UMAD1: variants seen among roughly 807,000 people sequenced by gnomAD.
UMAD1 encodes UBAP1-MVB12-associated (UMA)-domain containing protein 1.
Under a neutral mutation model 6.1 loss-of-function variants are expected in UMAD1, and 8 were observed. The ratio of observed to expected loss-of-function variants is 1.30; its 90% CI spans 0.76 to 2.35. The LOEUF (loss-of-function observed/expected upper bound fraction) is 2.35, where lower values mean the gene tolerates loss of function less well. Ranked by LOEUF, UMAD1 falls within the 30% of genes most tolerant of loss-of-function variation. The pLI, the probability that UMAD1 is intolerant of heterozygous loss-of-function variation, is 0.00. For missense variants in UMAD1, 130 were observed against 78.4 expected (o/e 1.66, Z -2.49); for synonymous variants, 56 against 31.4 (o/e 1.78, Z -2.61).
At chr7:7,817,644 A>C (rs963010787) in intron 3 of UMAD1, among the ~76,000 whole-genome samples, 3 of 152,178 alleles carry the variant, frequency 2.0e-5, no homozygotes, top group African/African-American at 7.2e-5. Flanking sequence ...TCTCTTGTCC[A>C]ATTTAACCTG....
At chr7:7,818,556 T>A (rs1266936831) in intron 3 of UMAD1, among the ~76,000 whole-genome samples, 1 of 152,222 alleles carries the variant, frequency 6.6e-6, no homozygotes, top group African/African-American at 2.4e-5. Context: ...AATGCTTATA[T>A]ACTGTTGGTG....
chr7:7,718,222 A>C, intron 2 of UMAD1, among the ~76,000 whole-genome samples: 1 of 152,288 alleles, frequency 6.6e-6, no homozygotes, highest in Non-Finnish European at 1.5e-5. Flanking sequence ...TGAATGTGTT[A>C]TTTTTATCCC....
rs561459047 is a variant in UMAD1, at chr7:7,731,338, G to A, written c.82+57885G>A. On this transcript the variant is annotated intron_variant, in intron 2 of 3. Transcript: ENST00000682710. Reference sequence around the variant, plus strand: ...TTAAGGATGGAACTATTGTAGTAGTGCAGGGCATGGTCTGTAAAGGAAACA... The same window carrying A: ...TTAAGGATGGAACTATTGTAGTAGTACAGGGCATGGTCTGTAAAGGAAACA... 1.1e-4 allele frequency among the ~76,000 whole-genome samples: 16 copies of A among 152,176 alleles called. No individual in the cohort carries two copies. In the South Asian group the frequency reaches 3.3e-3, roughly 32 times the overall value.
chr7:7,778,414 C>CT (rs905436499), intron 2 of UMAD1, among the ~76,000 whole-genome samples: 6 of 151,032 alleles, frequency 4.0e-5, no homozygotes, highest in African/African-American at 1.5e-4. Flanking sequence ...TAAAGTTTTT[C>CT]TTTTTTTTCT....
At chr7:7,778,583 T>G (rs1407251611) in intron 2 of UMAD1, among the ~76,000 whole-genome samples, 1 of 152,014 alleles carries the variant, frequency 6.6e-6, no homozygotes, top group Non-Finnish European at 1.5e-5. Flanking sequence ...AATTGGCTGA[T>G]TTTTTATATT....
chr7:7,759,943 A>G (rs1223807259), intron 2 of UMAD1, among the ~76,000 whole-genome samples: 4 of 152,112 alleles, frequency 2.6e-5, no homozygotes, highest in Non-Finnish European at 4.4e-5. Context: ...TCTCCCATTG[A>G]AAAGTTGTGT....
intron 2 of UMAD1, among the ~76,000 whole-genome samples, chr7:7,751,750 C>G (rs1583798192): frequency 6.6e-6 from 1 of 152,300 alleles, no homozygotes; most frequent in East Asian, 1.9e-4. Flanking sequence ...GGACCTCTGA[C>G]TTGCACAGAC....
chr7:7,704,484 G>A (rs1031826946), intron 2 of UMAD1, among the ~76,000 whole-genome samples: 1 of 151,446 alleles, frequency 6.6e-6, no homozygotes, highest in African/African-American at 2.4e-5. Flanking sequence ...GGCCGGGCGC[G>A]GTGGCTCATG....
chr7:7,820,928 A>C (rs1783229036), intron 3 of UMAD1, among the ~76,000 whole-genome samples: 1 of 152,222 alleles, frequency 6.6e-6, no homozygotes, highest in African/African-American at 2.4e-5. Context: ...GAAAAACTGA[A>C]ACTCCTGAAG....
intron 2 of UMAD1, among the ~76,000 whole-genome samples, chr7:7,743,612 A>G (rs1033996943): frequency 2.6e-5 from 4 of 151,910 alleles, no homozygotes; most frequent in East Asian, 3.8e-4. Flanking sequence ...CCTACTCTGG[A>G]CAAAGTGAGT....
chr7:7,794,340 C>T (rs2115266786), intron 2 of UMAD1, among the ~76,000 whole-genome samples: 1 of 152,234 alleles, frequency 6.6e-6, no homozygotes, highest in South Asian at 2.1e-4. Context: ...GGAGACCAAA[C>T]TCTCATCTTT....
At chr7:7,795,961 G>A (rs542433134) in intron 2 of UMAD1, among the ~76,000 whole-genome samples, 38 of 152,044 alleles carry the variant, frequency 2.5e-4, no homozygotes, top group Non-Finnish European at 4.6e-4. Context: ...TGGCCCAGCA[G>A]GTCTAAGCCT....
intron 2 of UMAD1, among the ~76,000 whole-genome samples, chr7:7,697,018 A>G (rs1203571639): frequency 1.3e-5 from 2 of 152,184 alleles, no homozygotes; most frequent in Admixed American, 1.3e-4. Context: ...CAAGGTCTGT[A>G]TAACTTCTGT....
intron 3 of UMAD1, among the ~76,000 whole-genome samples, chr7:7,822,732 C>T (rs1783263911): frequency 6.6e-6 from 1 of 152,120 alleles, no homozygotes; most frequent in Non-Finnish European, 1.5e-5. Flanking sequence ...AGTTCGGCTT[C>T]CTACCTTGCT....
intron 3 of UMAD1, among the ~76,000 whole-genome samples, chr7:7,823,353 AT>A (rs1474763338): frequency 6.6e-6 from 1 of 152,148 alleles, no homozygotes; most frequent in African/African-American, 2.4e-5. Flanking sequence ...ACAATAAATA[AT>A]TTTTTAGTAT....
chr7:7,656,891 C>A (rs919984104), intron 1 of UMAD1, among the ~76,000 whole-genome samples: 1 of 152,252 alleles, frequency 6.6e-6, no homozygotes, highest in African/African-American at 2.4e-5. Context: ...AATCACCACA[C>A]TGACTTCCAC....
chr7:7,725,013 T>G (rs1167657673), intron 2 of UMAD1, among the ~76,000 whole-genome samples: 3 of 152,222 alleles, frequency 2.0e-5, no homozygotes, highest in Non-Finnish European at 4.4e-5. Flanking sequence ...AAACTGGACT[T>G]ACTGGTGAGA....
rs543197643 is a variant in UMAD1 at position 7,696,446 on chromosome 7, T to G, written c.82+22993T>G. 8.9e-4 allele frequency among the ~76,000 whole-genome samples: 135 copies of G among 152,286 alleles called. 2 individuals are homozygous for G. The highest frequency in any genetic ancestry group is 3.2e-3 in the African/African-American group (133 of 41,570). ...AAATACTTCTTAGAAGTCCTGAGCT[T>G]AGCCACTGGAACTGGCCACAAGACC... On this transcript the variant is annotated intron_variant, in intron 2 of 3. Coordinates refer to ENST00000682710, the MANE Select transcript of UMAD1 (RefSeq NM_001302348.2).
intron 3 of UMAD1, among the ~76,000 whole-genome samples, chr7:7,860,833 A>C (rs1036561220): frequency 3.4e-4 from 52 of 152,204 alleles, no homozygotes; most frequent in African/African-American, 1.2e-3. Flanking sequence ...ACATTAGACA[A>C]AAGATGGAAA....
Sources: allele counts gnomAD v4.1 joint callset (sites outside exome capture counted in the v4.1 genomes callset), GRCh38; gene constraint gnomAD v4.1.1; transcripts MANE v1.5; gene names NCBI Gene and HGNC (gene_info 2026-07-23, HGNC 2026-07-21).